UBE2U: variants seen among roughly 807,000 people sequenced by gnomAD.
UBE2U encodes ubiquitin-conjugating enzyme E2 U.
A neutral mutation model predicts 41.2 loss-of-function variants in UBE2U; 39 were observed. The ratio of observed to expected loss-of-function variants is 0.95; its 90% CI spans 0.73 to 1.24. The LOEUF (loss-of-function observed/expected upper bound fraction) is 1.24, where lower values mean the gene tolerates loss of function less well. Among genes scored for constraint, UBE2U ranks in the 50% most tolerant of loss-of-function variants. The pLI, the probability that UBE2U is intolerant of heterozygous loss-of-function variation, is 0.00. For synonymous variants in UBE2U, 107 were observed against 117.8 expected, an observed-to-expected ratio of 0.91 and a Z score of 0.60; for missense variants, 336 against 363.1, an observed-to-expected ratio of 0.93 and a Z score of 0.61.
intron 7 of UBE2U, among the ~76,000 whole-genome samples, chr1:64,239,167 AAGAAGAAGAAG>A (rs1159627352): frequency 2.3e-5 from 2 of 88,412 alleles, no homozygotes; most frequent in South Asian, 4.5e-4. Flanking sequence ...AAAGAAGAAG[AAGAAGAAGAAG>A]AAGAAGAAGA....
At chr1:64,223,440 T>A (rs1044641196) in intron 6 of UBE2U, among the ~76,000 whole-genome samples, 7 of 152,154 alleles carry the variant, frequency 4.6e-5, no homozygotes, top group African/African-American at 7.2e-5. Flanking sequence ...AAGGGAAGAA[T>A]GCTGAGGGCA....
Position 64,232,575 on chromosome 1 carries a change from C to T in UBE2U, c.521C>T (p.Thr174Ile). ...PRKCIRPIKT[T>I]SFSDYYQTWS... ...TATATTTTCAGACCAATTAAAACAACCTCATTTAGTGATTACTACCAGACA... is the reference window on the plus strand; with the variant it reads ...TATATTTTCAGACCAATTAAAACAATCTCATTTAGTGATTACTACCAGACA... The change falls in exon 7 of 10, where the codon ACC becomes ATC. Residue 174 changes from threonine (T) to isoleucine (I), a missense_variant. Thr to Ile is a moderately conservative substitution (Grantham distance 89). Coordinates refer to ENST00000371077, the MANE Select transcript of UBE2U (RefSeq NM_001366232.2). 1 of 1,612,306 alleles carries T rather than the reference C, an allele frequency of 6.2e-7. No individual in the cohort carries two copies. The highest frequency in any genetic ancestry group is 8.5e-7 in the Non-Finnish European group (1 of 1,179,192).
intron 3 of UBE2U, among the ~76,000 whole-genome samples, chr1:64,208,540 G>T (rs753270511): frequency 6.7e-5 from 9 of 135,118 alleles, no homozygotes; most frequent in Admixed American, 3.4e-4. Context: ...GGAGGTCGAG[G>T]CTGCAGTGAG....
chr1:64,228,686 CTTTTTTTTTTTT>C (rs59774097), intron 6 of UBE2U, among the ~76,000 whole-genome samples: 1 of 95,732 alleles, frequency 1.0e-5, no homozygotes, highest in South Asian at 3.9e-4. Context: ...CTCTCTCTCT[CTTTTTTTTTTTT>C]TTTTTTTTTA....
At chr1:64,244,298 A>G in intron 8 of UBE2U, 1 of 1,110,800 alleles carries the variant, frequency 9.0e-7, no homozygotes, top group South Asian at 3.3e-5. Context: ...ATTATTTTAT[A>G]TATATGATTT....
intron 5 of UBE2U, among the ~76,000 whole-genome samples, chr1:64,218,823 GT>G (rs1318342688): frequency 1.3e-4 from 20 of 152,128 alleles, no homozygotes; most frequent in Non-Finnish European, 8.8e-5. Context: ...ACATTCCTTT[GT>G]TTTTTATGTG....
At chr1:64,251,955 C>G (rs1261340323) in intron 8 of UBE2U, among the ~76,000 whole-genome samples, 4 of 152,144 alleles carry the variant, frequency 2.6e-5, no homozygotes, top group Non-Finnish European at 4.4e-5. Flanking sequence ...GCTTGGAGCT[C>G]CAGCCAACCA....
chr1:64,213,126 G>A (rs960425222), intron 4 of UBE2U, among the ~76,000 whole-genome samples: 1 of 152,044 alleles, frequency 6.6e-6, no homozygotes, highest in Non-Finnish European at 1.5e-5. Context: ...CTTCTCCACA[G>A]GTGTAAGCTC....
chr1:64,229,591 AC>A (rs1653140037), intron 6 of UBE2U, among the ~76,000 whole-genome samples: 1 of 152,196 alleles, frequency 6.6e-6, no homozygotes. Flanking sequence ...CTGATTCCAG[AC>A]CCTGAGTATC....
intron 7 of UBE2U, among the ~76,000 whole-genome samples, chr1:64,237,416 C>T (rs776747767): frequency 1.3e-5 from 2 of 151,902 alleles, no homozygotes; most frequent in Non-Finnish European, 2.9e-5. Context: ...GCTTTCCTAC[C>T]ACAGATTACA....
At chr1:64,262,603 A>G (rs705544) in intron 9 of UBE2U, among the ~76,000 whole-genome samples, 109,985 of 152,168 alleles carry the variant, frequency 0.72, 41,070 homozygotes, top group African/African-American at 0.92. Flanking sequence ...TCCTTGCCAT[A>G]TGGGCTCTCC....
In UBE2U at chr1:64,260,614, T is replaced by C. The variant is rs916066364; in HGVS notation, c.689T>C (p.Ile230Thr). ...TTTTCTCTTTCTAGGTATTCCGTTA[T>C]CAAGTGTTGGCTTGCTAGAAAAAGA... ...QKEWNLKYSV[I>T]KCWLARKRMP... Residue 230 changes from isoleucine to threonine, a missense_variant, in exon 9 of 10, where the codon ATC becomes ACC. Coordinates refer to ENST00000371077, the MANE Select transcript of UBE2U (RefSeq NM_001366232.2). 6.5e-7 allele frequency: 1 copy of C among 1,548,828 alleles called. No individual in the cohort carries two copies. The highest frequency in any genetic ancestry group is 1.2e-5 in the South Asian group (1 of 83,820).
chr1:64,261,094 T>A (rs1645174201), intron 9 of UBE2U, among the ~76,000 whole-genome samples: 1 of 152,202 alleles, frequency 6.6e-6, no homozygotes, highest in Non-Finnish European at 1.5e-5. Flanking sequence ...CTGAGTTGTT[T>A]TTCGTGCTCT....
chr1:64,229,583 G>T (rs984444337), intron 6 of UBE2U, among the ~76,000 whole-genome samples: 19 of 152,208 alleles, frequency 1.2e-4, no homozygotes, highest in Non-Finnish European at 2.2e-4. Context: ...CAGGCCAGCT[G>T]ATTCCAGACC....
intron 8 of UBE2U, among the ~76,000 whole-genome samples, chr1:64,246,490 T>G (rs1020003903): frequency 3.9e-5 from 6 of 152,240 alleles, no homozygotes; most frequent in Admixed American, 2.0e-4. Context: ...TAAGGAGTGC[T>G]AGCTTTATTC....
chr1:64,261,784 G>A (rs1645184006), intron 9 of UBE2U, among the ~76,000 whole-genome samples: 1 of 152,136 alleles, frequency 6.6e-6, no homozygotes, highest in Admixed American at 6.5e-5. Context: ...TCCCCACCAT[G>A]TTCACCAGTG....
intron 9 of UBE2U, among the ~76,000 whole-genome samples, chr1:64,262,115 G>A (rs1367915958): frequency 2.6e-5 from 4 of 152,218 alleles, no homozygotes; most frequent in South Asian, 4.1e-4. Context: ...AGTACACTGT[G>A]TTTTCTCATA....
chr1:64,211,963 A>G (rs1651690092), intron 4 of UBE2U, among the ~76,000 whole-genome samples: 1 of 152,134 alleles, frequency 6.6e-6, no homozygotes, highest in Non-Finnish European at 1.5e-5. Context: ...TTAAATATAG[A>G]ATTATAATAT....
chr1:64,221,445 A>G (rs1279172142), intron 6 of UBE2U, among the ~76,000 whole-genome samples: 2 of 152,206 alleles, frequency 1.3e-5, no homozygotes, highest in Non-Finnish European at 2.9e-5. Flanking sequence ...TGAAAAGAGA[A>G]GAATGTATTG....
Sources: allele counts gnomAD v4.1 joint callset (sites outside exome capture counted in the v4.1 genomes callset), GRCh38; gene constraint gnomAD v4.1.1; transcripts MANE v1.5; gene names NCBI Gene and HGNC (gene_info 2026-07-23, HGNC 2026-07-21).